Variants in NMNAT2 observed in about 807,000 individuals in gnomAD.
The protein encoded by NMNAT2 is nicotinamide/nicotinic acid mononucleotide adenylyltransferase 2.
NMNAT2 carries 11 observed loss-of-function variants against 41.6 expected under a neutral mutation model. That is an observed-to-expected ratio of 0.26 (90% CI 0.17 to 0.44). The LOEUF (loss-of-function observed/expected upper bound fraction) is 0.44. NMNAT2 is among the 20% of genes least tolerant of loss of function. The pLI is 1.00. For synonymous variants in NMNAT2, 148 were observed against 151.2 expected (o/e 0.98, Z 0.16); for missense variants, 288 against 407.7 (o/e 0.71, Z 2.53).
At chr1:183,329,746 G>C (rs1474378162) in intron 1 of NMNAT2, among the ~76,000 whole-genome samples, 1 of 152,166 alleles carries the variant, frequency 6.6e-6, no homozygotes, top group Non-Finnish European at 1.5e-5. Context: ...GGAGCCTGCA[G>C]AGATGGTTGG....
chr1:183,350,666 T>C (rs1459923112), intron 1 of NMNAT2, among the ~76,000 whole-genome samples: 2 of 152,224 alleles, frequency 1.3e-5, no homozygotes, highest in Non-Finnish European at 2.9e-5. Flanking sequence ...GAATTCTTTA[T>C]GAACATCATT....
At chr1:183,348,829 C>T (rs1347708228) in intron 1 of NMNAT2, among the ~76,000 whole-genome samples, 1 of 152,186 alleles carries the variant, frequency 6.6e-6, no homozygotes, top group African/African-American at 2.4e-5. Context: ...CTTTCATTAG[C>T]CAGTGAACAT....
chr1:183,345,688 CTTTTTT>C (rs5779171), intron 1 of NMNAT2, among the ~76,000 whole-genome samples: 2 of 121,986 alleles, frequency 1.6e-5, no homozygotes. Context: ...ATATCCTTTT[CTTTTTT>C]TTTTTTTTTT....
At chr1:183,383,706 T>C (rs1663852760) in intron 1 of NMNAT2, among the ~76,000 whole-genome samples, 1 of 152,216 alleles carries the variant, frequency 6.6e-6, no homozygotes, top group African/African-American at 2.4e-5. Flanking sequence ...CCAATCTCTT[T>C]GCTAATGTGT....
chr1:183,355,059 C>T (rs575283502), intron 1 of NMNAT2, among the ~76,000 whole-genome samples: 63 of 152,328 alleles, frequency 4.1e-4, no homozygotes, highest in Admixed American at 4.1e-3. Context: ...CATGCAACCC[C>T]TGGCCCACCC....
chr1:183,392,536 G>T (rs1480576362), intron 1 of NMNAT2, among the ~76,000 whole-genome samples: 2 of 152,070 alleles, frequency 1.3e-5, no homozygotes, highest in African/African-American at 4.8e-5. Flanking sequence ...CCTTCAAATG[G>T]CTCCCTTTCT....
chr1:183,330,987 T>C (rs1301056306), intron 1 of NMNAT2, among the ~76,000 whole-genome samples: 1 of 152,140 alleles, frequency 6.6e-6, no homozygotes, highest in Non-Finnish European at 1.5e-5. Context: ...TTCTTTTCTT[T>C]CCTTTCATTT....
At chr1:183,396,994 G>A (rs1426472430) in intron 1 of NMNAT2, among the ~76,000 whole-genome samples, 3 of 152,166 alleles carry the variant, frequency 2.0e-5, no homozygotes, top group African/African-American at 4.8e-5. Context: ...GCAGCATCCT[G>A]AAGTAGTCAA....
intron 1 of NMNAT2, among the ~76,000 whole-genome samples, chr1:183,368,801 C>A (rs1466822588): frequency 2.0e-5 from 3 of 152,208 alleles, no homozygotes; most frequent in African/African-American, 7.2e-5. Context: ...CCAGTAGATT[C>A]ATAGTTCTTT....
intron 8 of NMNAT2, among the ~76,000 whole-genome samples, chr1:183,269,621 T>G (rs1386389228): frequency 6.6e-6 from 1 of 152,256 alleles, no homozygotes; most frequent in East Asian, 1.9e-4. Flanking sequence ...GAAACATTGA[T>G]TAAGGTGCCT....
At chr1:183,277,726 T>G (rs1358495798) in intron 8 of NMNAT2, among the ~76,000 whole-genome samples, 3 of 152,166 alleles carry the variant, frequency 2.0e-5, no homozygotes, top group Non-Finnish European at 4.4e-5. Context: ...TAGTACAACG[T>G]TTCTTTAAAA....
intron 8 of NMNAT2, among the ~76,000 whole-genome samples, chr1:183,275,836 C>G (rs1402555581): frequency 6.6e-6 from 1 of 152,100 alleles, no homozygotes; most frequent in African/African-American, 2.4e-5. Context: ...CCACGCCCAG[C>G]TAATTTTTTG....
chr1:183,343,991 T>G (rs999534317), intron 1 of NMNAT2, among the ~76,000 whole-genome samples: 1 of 152,150 alleles, frequency 6.6e-6, no homozygotes, highest in Non-Finnish European at 1.5e-5. Context: ...AGTCACAAAA[T>G]GTCCTCTCTC....
At chr1:183,417,836 C>T (rs915331652) in intron 1 of NMNAT2, among the ~76,000 whole-genome samples, 1 of 152,192 alleles carries the variant, frequency 6.6e-6, no homozygotes, top group African/African-American at 2.4e-5. Flanking sequence ...CTGCCCCCAT[C>T]CCGGTCTTCG....
chr1:183,410,955 C>T (rs991943858), intron 1 of NMNAT2, among the ~76,000 whole-genome samples: 1 of 152,022 alleles, frequency 6.6e-6, no homozygotes, highest in Non-Finnish European at 1.5e-5. Flanking sequence ...TGGGCTCAAG[C>T]AATCCTCCCA....
chr1:183,342,738 T>C (rs373515818), intron 1 of NMNAT2, among the ~76,000 whole-genome samples: 2 of 151,930 alleles, frequency 1.3e-5, no homozygotes, highest in East Asian at 3.9e-4. Flanking sequence ...TTTAATTTAA[T>C]TTAATTTTTT....
chr1:183,382,007 C>T (rs1037312716), intron 1 of NMNAT2, among the ~76,000 whole-genome samples: 1 of 152,188 alleles, frequency 6.6e-6, no homozygotes, highest in Non-Finnish European at 1.5e-5. Context: ...GTGCATTAGT[C>T]CATTCTCACA....
At position 183,418,195 on chromosome 1, in the gene NMNAT2, T is replaced by C. The variant is rs1338361825; in HGVS notation, c.73A>G (p.Ile25Val). The change falls in exon 1 of 11, where the codon ATT (isoleucine) becomes GTT (valine). Residue 25 changes from isoleucine to valine, a missense_variant. By Grantham distance (29) the Ile-to-Val change is conservative (BLOSUM62 3). Coordinates refer to ENST00000287713, the MANE Select transcript of NMNAT2 (RefSeq NM_015039.4). Reference protein sequence around the residue: ...GSFNPITKGHIQMFERARDYL... With the variant: ...GSFNPITKGHVQMFERARDYL... The stretch of plus-strand genomic sequence containing the variant: ...CGGGAGGACTCACCAAACATCTGAA[T>C]GTGCCCTTTGGTGATGGGATTGAAG... 2 of 1,613,310 alleles carry C rather than the reference T, an allele frequency of 1.2e-6. No individual in the cohort carries two copies. The highest frequency in any genetic ancestry group is 1.7e-5 in the Admixed American group (1 of 59,898).
At chr1:183,408,758 A>G (rs1649031545) in intron 1 of NMNAT2, among the ~76,000 whole-genome samples, 1 of 152,220 alleles carries the variant, frequency 6.6e-6, no homozygotes, top group Non-Finnish European at 1.5e-5. Flanking sequence ...AATAATTTTT[A>G]AATGGTGCTT....
Sources: gnomAD v4.1 joint callset for allele counts (sites outside exome capture counted in the v4.1 genomes callset) on GRCh38, gnomAD v4.1.1 for gene constraint, MANE v1.5 for transcripts, NCBI Gene and HGNC (gene_info 2026-07-23, HGNC 2026-07-21) for gene names.